Variants in KAZN observed in about 807,000 individuals in gnomAD.
KAZN encodes the protein kazrin, periplakin interacting protein.
In KAZN, 40 loss-of-function variants were observed where a neutral mutation model predicts 87.4. The observed-to-expected ratio is 0.46, with a 90% CI of 0.36 to 0.60. The LOEUF is 0.60. Among genes scored for constraint, KAZN ranks in the 20% least tolerant of loss-of-function variants. The pLI is 0.00. For missense variants in KAZN, 898 were observed against 1,073.9 expected (o/e 0.84, Z 2.29); for synonymous variants, 466 against 458.3 (o/e 1.02, Z -0.22).
chr1:14,036,232 G>A (rs370610870), intron 1 of KAZN, among the ~76,000 whole-genome samples: 30 of 152,328 alleles, frequency 2.0e-4, no homozygotes, highest in African/African-American at 6.5e-4. Context: ...CCCAAGACAT[G>A]TGGGGACTTC....
chr1:14,218,612 A>G (rs1647019405), intron 2 of KAZN, among the ~76,000 whole-genome samples: 1 of 152,174 alleles, frequency 6.6e-6, no homozygotes, highest in African/African-American at 2.4e-5. Flanking sequence ...CAGTAAGGAT[A>G]ATATTTTCGG....
rs377461260 is a variant in KAZN at position 14,617,565 on chromosome 1, C to T, written c.226+18342C>T. Among the ~76,000 whole-genome samples the T allele has an allele frequency of 8.5e-5, 13 of 152,254 alleles. No individual in the cohort carries two copies. In the East Asian group the frequency reaches 2.3e-3, roughly 27 times the overall value. ...AGTAAAACAAGGTTTGCCTGTAGCTCGTACCTTATGGGGTTTTTATAAAAA... is the reference window on the plus strand; with the variant it reads ...AGTAAAACAAGGTTTGCCTGTAGCTTGTACCTTATGGGGTTTTTATAAAAA... On this transcript the variant is annotated intron_variant, in intron 1 of 14. Coordinates refer to ENST00000376030, the MANE Select transcript of KAZN (RefSeq NM_201628.3).
At chr1:14,849,685 T>G (rs1199688442) in intron 1 of KAZN, among the ~76,000 whole-genome samples, 1 of 152,230 alleles carries the variant, frequency 6.6e-6, no homozygotes, top group African/African-American at 2.4e-5. Context: ...TTTAAGAGCT[T>G]GCGCTTTCTC....
At position 14,180,403 on chromosome 1, in the gene KAZN, G is replaced by A. The variant is rs1414020357; in HGVS notation, c.92-32G>A. ...TTTCTCTTTGAAAGTTACCAGTTGT[G>A]ACTCTACTTTTCCTTCTTTTTCTTT... On this transcript the variant is annotated intron_variant, in intron 1 of 16. Transcript: ENST00000636203. The A allele has an allele frequency of 3.9e-6, 6 of 1,542,500 alleles. No homozygotes were observed. The African/African-American group carries it at 8.3e-5, about 21-fold the overall frequency.
intron 2 of KAZN, among the ~76,000 whole-genome samples, chr1:15,030,298 C>G (rs148481455): frequency 0.27 from 41,035 of 151,732 alleles, 5,813 homozygotes; most frequent in South Asian, 0.32. Context: ...GACAGAGTCT[C>G]ACTCTGTCTC....
Position 14,949,085 on chromosome 1 carries a change from G to A in KAZN, c.227-11599G>A, listed in dbSNP as rs113516767. On this transcript the variant is annotated intron_variant, in intron 1 of 14. Transcript: ENST00000376030. This position sits in a 1 kb window ranked among gnomAD's most constrained non-coding sequence, Gnocchi z 4.3. Reference sequence around the variant, plus strand: ...GTCAGGGCACTTGAACCCAGGAGGCGGAGGTTGCAGTGAGCCAAGATCATG... The same window carrying A: ...GTCAGGGCACTTGAACCCAGGAGGCAGAGGTTGCAGTGAGCCAAGATCATG... Among the ~76,000 whole-genome samples the A allele has an allele frequency of 0.14, 20,921 of 151,436 alleles. 1,579 individuals are homozygous for A. Among genetic ancestry groups the A allele is most frequent in the South Asian group, 0.24 (1,144 of 4,798 alleles).
intron 2 of KAZN, among the ~76,000 whole-genome samples, chr1:14,393,865 C>T (rs116453082): frequency 7.3e-6 from 1 of 137,830 alleles, no homozygotes; most frequent in East Asian, 2.1e-4. Flanking sequence ...AAAAAAAAGT[C>T]ATGAAAACTT....
At chr1:14,570,194 C>T (rs934000992) in intron 2 of KAZN, among the ~76,000 whole-genome samples, 1 of 152,180 alleles carries the variant, frequency 6.6e-6, no homozygotes, top group African/African-American at 2.4e-5. Context: ...TTCATAACCC[C>T]ATTTTGTTAA....
intron 1 of KAZN, among the ~76,000 whole-genome samples, chr1:14,625,090 C>T (rs1312648646): frequency 6.6e-6 from 1 of 152,102 alleles, no homozygotes. Context: ...TCCTGTGTCC[C>T]CTGGAGGGTC....
chr1:14,663,817 T>G (rs571769345), intron 1 of KAZN, among the ~76,000 whole-genome samples: 1 of 152,320 alleles, frequency 6.6e-6, no homozygotes, highest in South Asian at 2.1e-4. Context: ...CTGCTTCTAG[T>G]TATGTACCCA....
intron 1 of KAZN, among the ~76,000 whole-genome samples, chr1:13,934,965 G>A (rs1483785501): frequency 6.6e-6 from 1 of 152,146 alleles, no homozygotes; most frequent in Non-Finnish European, 1.5e-5. Flanking sequence ...GGCCGGGTGT[G>A]GTGGCTTACG....
chr1:14,616,539 C>T (rs1437036477), intron 1 of KAZN, among the ~76,000 whole-genome samples: 2 of 152,038 alleles, frequency 1.3e-5, no homozygotes, highest in African/African-American at 2.4e-5. Context: ...AGTTTGTGCT[C>T]CAAGCAATGT....
intron 1 of KAZN, among the ~76,000 whole-genome samples, chr1:14,603,337 C>G (rs551263130): frequency 1.5e-4 from 23 of 152,242 alleles, no homozygotes; most frequent in South Asian, 6.2e-4. Context: ...CAGCAAGTAG[C>G]CTGCGCCATG....
In KAZN at chr1:15,094,778, G is replaced by A. The variant is rs1640728061; in HGVS notation, c.1429-37G>A. Reference sequence around the variant, plus strand: ...TAGGGCAGGAACCCCGCCGGCAGCTGTCCCAGCCCCCATATGACACTCCCT... The same window carrying A: ...TAGGGCAGGAACCCCGCCGGCAGCTATCCCAGCCCCCATATGACACTCCCT... On this transcript the variant is annotated intron_variant, in intron 9 of 14. Transcript: ENST00000376030. The surrounding 1 kb of genome is among the most constrained non-coding windows in gnomAD (Gnocchi z 4.5). 1 of 1,498,050 alleles carries A rather than the reference G, an allele frequency of 6.7e-7. No homozygotes were observed. Among genetic ancestry groups the A allele is most frequent in the Non-Finnish European group, 9.1e-7 (1 of 1,101,790 alleles). The allele number at this position is 1,498,050 out of a possible 1,614,324, so 92.8% of individuals were successfully genotyped here. A position where few individuals can be genotyped will look rare whatever the true frequency, so the allele number is the denominator to read the frequency against.
chr1:14,367,106 G>GT (rs1660065199), intron 2 of KAZN, among the ~76,000 whole-genome samples: 1 of 152,170 alleles, frequency 6.6e-6, no homozygotes, highest in African/African-American at 2.4e-5. Context: ...GCACGCGCCT[G>GT]TAATCCCAGC....
intron 1 of KAZN, among the ~76,000 whole-genome samples, chr1:14,134,998 CACACA>C (rs1557503809): frequency 1.7e-5 from 2 of 118,554 alleles, no homozygotes; most frequent in African/African-American, 5.9e-5. Flanking sequence ...CACACACACA[CACACA>C]TGTGCACACA....
intron 1 of KAZN, among the ~76,000 whole-genome samples, chr1:14,681,645 ATATATATATATATTTTTTTTTTTTTT>A (rs1640634403): frequency 3.9e-4 from 4 of 10,294 alleles, no homozygotes; most frequent in Admixed American, 1.7e-3. Context: ...ATATATATAT[ATATATATATATATTTTTTTTTTTTTT>A]TTTTTTTTTT....
At chr1:14,794,442 C>T (rs1645770972) in intron 1 of KAZN, among the ~76,000 whole-genome samples, 1 of 152,144 alleles carries the variant, frequency 6.6e-6, no homozygotes, top group Admixed American at 6.5e-5. Flanking sequence ...CCTTTATCTT[C>T]CTGAACCTCA....
At chr1:14,597,322 CAG>C (rs1411853859), upstream of KAZN, among the ~76,000 whole-genome samples, 3 of 152,158 alleles carry the variant, frequency 2.0e-5, no homozygotes, top group Non-Finnish European at 2.9e-5. Flanking sequence ...TTAGTGGTCA[CAG>C]GGGAATGGAG....
Sources: allele counts gnomAD v4.1 joint callset (sites outside exome capture counted in the v4.1 genomes callset), GRCh38; gene constraint gnomAD v4.1.1; non-coding constraint Gnocchi (gnomAD v3.1); transcripts MANE v1.5; gene names NCBI Gene and HGNC (gene_info 2026-07-23, HGNC 2026-07-21).